CNTNAP4: variants seen among roughly 807,000 people sequenced by gnomAD.
CNTNAP4 encodes contactin associated protein family member 4.
A neutral mutation model predicts 148.4 loss-of-function variants in CNTNAP4; 98 were observed. The ratio of observed to expected loss-of-function variants is 0.66; its 90% CI spans 0.56 to 0.78. CNTNAP4 has a LOEUF of 0.78. Among genes scored for constraint, CNTNAP4 ranks in the 30% least tolerant of loss-of-function variants. The pLI is 0.00. For missense variants in CNTNAP4, 1,935 were observed against 1,565.6 expected (o/e 1.24, Z -3.98); for synonymous variants, 730 against 565.1 (o/e 1.29, Z -4.14).
At chr16:76,486,944 C>A (rs1002429779) in intron 12 of CNTNAP4, among the ~76,000 whole-genome samples, 1 of 152,124 alleles carries the variant, frequency 6.6e-6, no homozygotes, top group East Asian at 1.9e-4. Context: ...TCTCTATGAG[C>A]GAATGGTCCC....
chr16:76,373,385 T>C (rs1441933966), intron 3 of CNTNAP4, among the ~76,000 whole-genome samples: 1 of 152,150 alleles, frequency 6.6e-6, no homozygotes, highest in Non-Finnish European at 1.5e-5. Context: ...TTGAACTACA[T>C]AGCTTTATCT....
chr16:76,539,526 T>C (rs1273960873), intron 19 of CNTNAP4, among the ~76,000 whole-genome samples, 193 bp from the exon 20 acceptor site: 1 of 152,042 alleles, frequency 6.6e-6, no homozygotes, highest in East Asian at 1.9e-4. Flanking sequence ...GTGTGCAACA[T>C]ACTTGGTCAT....
At chr16:76,434,274 C>G (rs1420664598) in intron 4 of CNTNAP4, among the ~76,000 whole-genome samples, 2 of 152,052 alleles carry the variant, frequency 1.3e-5, no homozygotes, top group African/African-American at 4.8e-5. Flanking sequence ...GACACAAAGC[C>G]ACAAAGCTGG....
At chr16:76,422,111 T>G (rs1485835002) in intron 3 of CNTNAP4, among the ~76,000 whole-genome samples, 2 of 152,162 alleles carry the variant, frequency 1.3e-5, no homozygotes, top group African/African-American at 4.8e-5. Flanking sequence ...TTTAATTCAT[T>G]AACTCCATAA....
chr16:76,348,035 C>A (rs928239725), intron 2 of CNTNAP4, among the ~76,000 whole-genome samples: 1 of 151,996 alleles, frequency 6.6e-6, no homozygotes, highest in African/African-American at 2.4e-5. Context: ...GTGACTGTTG[C>A]AAGAATCCAG....
At chr16:76,442,419 T>C (rs767014599) in intron 4 of CNTNAP4, among the ~76,000 whole-genome samples, 4 of 152,186 alleles carry the variant, frequency 2.6e-5, no homozygotes, top group Non-Finnish European at 5.9e-5. Flanking sequence ...GGAAGCTGTC[T>C]GAATCCTTTT....
chr16:76,460,773 A>AAAAAATATAT, intron 8 of CNTNAP4, among the ~76,000 whole-genome samples: 1 of 57,322 alleles, frequency 1.7e-5, no homozygotes, highest in African/African-American at 6.4e-5. Context: ...AAAAAAAAAA[A>AAAAAATATAT]ATATATATAT....
At chr16:76,446,271 G>A (rs2080240534) in intron 4 of CNTNAP4, among the ~76,000 whole-genome samples, 1 of 152,126 alleles carries the variant, frequency 6.6e-6, no homozygotes, top group African/African-American at 2.4e-5. Context: ...AAACTGGAAT[G>A]TCATTTCGTT....
intron 15 of CNTNAP4, among the ~76,000 whole-genome samples, chr16:76,519,321 G>A (rs1224296749): frequency 6.6e-6 from 1 of 152,052 alleles, no homozygotes; most frequent in Non-Finnish European, 1.5e-5. Context: ...TGTACAGATA[G>A]CAGCAATTCA....
chr16:76,359,864 A>G (rs2013190109), intron 3 of CNTNAP4, among the ~76,000 whole-genome samples: 2 of 152,224 alleles, frequency 1.3e-5, no homozygotes, highest in African/African-American at 4.8e-5. Flanking sequence ...TCACTTAAGA[A>G]CAATTGCTGA....
chr16:76,363,764 T>C (rs1232584479), intron 3 of CNTNAP4, among the ~76,000 whole-genome samples: 1 of 152,084 alleles, frequency 6.6e-6, no homozygotes, highest in East Asian at 1.9e-4. Flanking sequence ...TAAAAAAGCA[T>C]TTGGGTTTTA....
intron 21 of CNTNAP4, among the ~76,000 whole-genome samples, chr16:76,551,567 A>C (rs906703817): frequency 3.3e-5 from 5 of 152,106 alleles, no homozygotes; most frequent in East Asian, 3.9e-4. Flanking sequence ...TAAACAAAAG[A>C]AGCTCATAAT....
intron 4 of CNTNAP4, among the ~76,000 whole-genome samples, chr16:76,436,403 C>T (rs2079827598): frequency 6.6e-6 from 1 of 152,124 alleles, no homozygotes; most frequent in African/African-American, 2.4e-5. Context: ...TAACAGTAGA[C>T]ATGGCAAGGC....
chr16:76,427,521 T>C lies in CNTNAP4; in HGVS notation c.460T>C (p.Phe154Leu). ...YRLQPSIKARFLRFIPLEWNP... is the reference protein window; with the variant it reads ...YRLQPSIKARLLRFIPLEWNP... The stretch of plus-strand genomic sequence containing the variant: ...ACTCCAGCCTTCTATCAAAGCCAGA[T>C]TTCTGCGCTTCATCCCTTTGGAATG... Residue 154 changes from phenylalanine (F) to leucine (L), a missense_variant, in exon 4 of 24, where the codon TTT becomes CTT. Phe to Leu is a conservative substitution (Grantham distance 22). Transcript: ENST00000611870. 2 of 1,613,314 alleles carry C rather than the reference T, an allele frequency of 1.2e-6. No homozygotes were observed. The highest frequency in any genetic ancestry group is 1.3e-5 in the African/African-American group (1 of 75,028).
intron 12 of CNTNAP4, among the ~76,000 whole-genome samples, chr16:76,485,898 T>G (rs1260433512): frequency 6.6e-6 from 1 of 152,246 alleles, no homozygotes; most frequent in Admixed American, 6.5e-5. Context: ...TCCTGTCTCC[T>G]CTGCTTTCCT....
intron 12 of CNTNAP4, among the ~76,000 whole-genome samples, chr16:76,485,173 A>G (rs536764338): frequency 6.6e-6 from 1 of 152,108 alleles, no homozygotes; most frequent in East Asian, 1.9e-4. Flanking sequence ...GCTGGAGTGC[A>G]ATGGCACGAT....
chr16:76,300,448 A>G (rs1012570716), intron 1 of CNTNAP4, among the ~76,000 whole-genome samples: 1 of 152,120 alleles, frequency 6.6e-6, no homozygotes, highest in African/African-American at 2.4e-5. Context: ...TACCTAATGT[A>G]GATGATGGGT....
chr16:76,389,942 AG>A (rs1189334007), intron 3 of CNTNAP4, among the ~76,000 whole-genome samples: 1 of 152,216 alleles, frequency 6.6e-6, no homozygotes. Context: ...GGCAATTTCA[AG>A]AAATAACAGT....
intron 1 of CNTNAP4, among the ~76,000 whole-genome samples, chr16:76,287,039 C>T (rs1025735309): frequency 2.6e-5 from 4 of 152,140 alleles, no homozygotes; most frequent in East Asian, 1.9e-4. Context: ...GTGTCACAAT[C>T]CTGTTAAGAA....
Sources: allele counts gnomAD v4.1 joint callset (sites outside exome capture counted in the v4.1 genomes callset), GRCh38; gene constraint gnomAD v4.1.1; transcripts MANE v1.5; gene names NCBI Gene and HGNC (gene_info 2026-07-23, HGNC 2026-07-21).